The following RBPMS variants were observed in gnomAD, a reference collection of about 807,000 sequenced individuals.
RBPMS encodes the protein RNA binding protein, mRNA processing factor.
RBPMS carries 7 observed loss-of-function variants against 26.8 expected under a neutral mutation model. That is an observed-to-expected ratio of 0.26 (90% CI 0.15 to 0.49). The LOEUF is 0.49. RBPMS is among the 20% of genes least tolerant of loss of function. RBPMS has a pLI of 0.98. For synonymous variants in RBPMS, 96 were observed against 93.3 expected (o/e 1.03, Z -0.17); for missense variants, 186 against 250.0 (o/e 0.74, Z 1.73).
intron 1 of RBPMS, among the ~76,000 whole-genome samples, chr8:30,428,585 ATTAAG>A (rs1440038212): frequency 2.0e-5 from 3 of 152,242 alleles, no homozygotes; most frequent in African/African-American, 7.2e-5. Flanking sequence ...ATGTACAGAA[ATTAAG>A]TTAATTCTGC....
intron 5 of RBPMS, among the ~76,000 whole-genome samples, chr8:30,526,583 C>G (rs1322270816): frequency 6.6e-6 from 1 of 152,192 alleles, no homozygotes; most frequent in Non-Finnish European, 1.5e-5. Flanking sequence ...GAAGCACACA[C>G]AGCCTGGAGA....
chr8:30,385,292 T>A, intron 1 of RBPMS, 134 bp downstream of exon 1: 1 of 545,318 alleles, frequency 1.8e-6, no homozygotes, highest in Non-Finnish European at 2.9e-6. Flanking sequence ...CCCCACAGTG[T>A]GGCCCGGGGA....
At chr8:30,480,695 C>T (rs1003091958) in intron 4 of RBPMS, among the ~76,000 whole-genome samples, 5 of 152,140 alleles carry the variant, frequency 3.3e-5, no homozygotes, top group Non-Finnish European at 7.4e-5. Flanking sequence ...CACCGAAGCA[C>T]GGTGTATAAT....
At chr8:30,408,329 G>A (rs1272179113) in intron 1 of RBPMS, among the ~76,000 whole-genome samples, 2 of 152,210 alleles carry the variant, frequency 1.3e-5, no homozygotes, top group African/African-American at 2.4e-5. Flanking sequence ...AGGAGTTTGA[G>A]ACCAGCCTGG....
intron 6 of RBPMS, among the ~76,000 whole-genome samples, chr8:30,549,914 G>T (rs1826218432): frequency 6.8e-6 from 1 of 147,134 alleles, no homozygotes; most frequent in Admixed American, 6.8e-5. Context: ...GCAGTGGTGT[G>T]ATCTCGGCTC....
At chr8:30,558,619 G>A (rs1827177544) in intron 6 of RBPMS, 2 of 563,062 alleles carry the variant, frequency 3.6e-6, no homozygotes, top group Admixed American at 3.0e-5. Flanking sequence ...AGGAGGATGA[G>A]AGCAGAGGAG....
At position 30,522,910 on chromosome 8, in the gene RBPMS, T is replaced by G. The variant is rs530647336; in HGVS notation, c.397+18474T>G. On this transcript the variant is annotated intron_variant, in intron 5 of 8. Transcript: ENST00000397323. ...GTTATTTGTCCATTTCTTCTTTTCCTTATTGATAGGTCTATATAAGAAGAA... is the reference window on the plus strand; with the variant it reads ...GTTATTTGTCCATTTCTTCTTTTCCGTATTGATAGGTCTATATAAGAAGAA... Among the ~76,000 whole-genome samples the G allele has an allele frequency of 2.6e-5, 4 of 152,364 alleles. No individual in the cohort carries two copies. The South Asian group carries it at 8.3e-4, about 32-fold the overall frequency.
chr8:30,522,574 A>C (rs566700498), intron 5 of RBPMS, among the ~76,000 whole-genome samples: 1 of 152,332 alleles, frequency 6.6e-6, no homozygotes, highest in East Asian at 1.9e-4. Context: ...TTGCCAATTT[A>C]AACAATATAT....
chr8:30,443,389 AG>A (rs1167635741), intron 1 of RBPMS, among the ~76,000 whole-genome samples: 2 of 152,214 alleles, frequency 1.3e-5, no homozygotes, highest in African/African-American at 4.8e-5. Flanking sequence ...TTAAGAGCCC[AG>A]GCTTTGAACT....
At chr8:30,440,958 C>A (rs185293833) in intron 1 of RBPMS, among the ~76,000 whole-genome samples, 1 of 151,738 alleles carries the variant, frequency 6.6e-6, no homozygotes, top group Non-Finnish European at 1.5e-5. Flanking sequence ...CCACCACAGT[C>A]CCCCGCCCCG....
intron 4 of RBPMS, among the ~76,000 whole-genome samples, chr8:30,492,170 G>A (rs576958143): frequency 6.6e-6 from 1 of 152,150 alleles, no homozygotes; most frequent in South Asian, 2.1e-4. Context: ...GACATTACAG[G>A]TGTGAGCCAC....
intron 6 of RBPMS, 35 bp from the exon 7 acceptor site, chr8:30,558,852 G>T: frequency 6.3e-7 from 1 of 1,582,674 alleles, no homozygotes; most frequent in South Asian, 1.1e-5. Context: ...ATGCTGGGGA[G>T]CCCTGGCTCA....
At chr8:30,492,796 T>C (rs989394338) in intron 4 of RBPMS, among the ~76,000 whole-genome samples, 3 of 152,270 alleles carry the variant, frequency 2.0e-5, no homozygotes, top group African/African-American at 4.8e-5. Context: ...CTGGCTTCTT[T>C]AAGAATAAGG....
intron 1 of RBPMS, among the ~76,000 whole-genome samples, chr8:30,427,123 G>C (rs1206625807): frequency 6.6e-6 from 1 of 151,996 alleles, no homozygotes; most frequent in Non-Finnish European, 1.5e-5. Context: ...CCTCAGCCTG[G>C]GCCTCGTGGC....
At chr8:30,486,208 C>T (rs1025507817) in intron 4 of RBPMS, among the ~76,000 whole-genome samples, 2 of 151,864 alleles carry the variant, frequency 1.3e-5, no homozygotes, top group Non-Finnish European at 1.5e-5. Flanking sequence ...TTTAGCCAGG[C>T]ATGGTGGTAG....
chr8:30,522,490 G>T (rs190974660), intron 5 of RBPMS, among the ~76,000 whole-genome samples: 1 of 152,016 alleles, frequency 6.6e-6, no homozygotes, highest in African/African-American at 2.4e-5. Context: ...CCTGGGCAAC[G>T]CACCAAGACC....
Position 30,571,654 on chromosome 8 carries a change from A to G in RBPMS, c.*1129A>G, listed in dbSNP as rs1180919727. ...CCGACCACATACCATGAGCTCCCAA[A>G]TGGCGTGTGCTCACTGTGAGACGTC... On this transcript the variant is annotated 3_prime_UTR_variant, in exon 9 of 9. Coordinates refer to ENST00000397323, the MANE Select transcript of RBPMS (RefSeq NM_001008710.3). The G allele has an allele frequency of 6.6e-6, 1 of 152,260 alleles. No homozygotes were observed. Among genetic ancestry groups the G allele is most frequent in the Non-Finnish European group, 1.5e-5 (1 of 68,054 alleles). 9.4% of individuals were successfully genotyped at this position (152,260 alleles called of 1,614,324 possible).
chr8:30,550,010 C>G (rs1423128535), intron 6 of RBPMS, among the ~76,000 whole-genome samples: 1 of 151,964 alleles, frequency 6.6e-6, no homozygotes, highest in Non-Finnish European at 1.5e-5. Flanking sequence ...GTCACCACGC[C>G]TGGCTCATTT....
intron 1 of RBPMS, among the ~76,000 whole-genome samples, chr8:30,434,997 C>G (rs1345781720): frequency 1.6e-5 from 2 of 122,556 alleles, no homozygotes; most frequent in Non-Finnish European, 3.1e-5. Context: ...CCAAAGAAGA[C>G]ATCCATCCAT....
Sources: gnomAD v4.1 joint callset for allele counts (sites outside exome capture counted in the v4.1 genomes callset) on GRCh38, gnomAD v4.1.1 for gene constraint, MANE v1.5 for transcripts, NCBI Gene and HGNC (gene_info 2026-07-23, HGNC 2026-07-21) for gene names.